The following EXOC4 variants were observed in gnomAD, a reference collection of about 807,000 sequenced individuals.
EXOC4 encodes SEC8-like 1.
Under a neutral mutation model 107.2 loss-of-function variants are expected in EXOC4, and 71 were observed. The ratio of observed to expected loss-of-function variants is 0.66; its 90% CI spans 0.55 to 0.81. The LOEUF (loss-of-function observed/expected upper bound fraction) is 0.81, where lower values mean the gene tolerates loss of function less well. EXOC4 is among the 30% of genes least tolerant of loss of function. The pLI is 0.00. For missense variants in EXOC4, 1,108 were observed against 1,189.6 expected (o/e 0.93, Z 1.01); for synonymous variants, 456 against 441.2 (o/e 1.03, Z -0.42).
At chr7:133,373,340 A>G (rs532186677) in intron 6 of EXOC4, among the ~76,000 whole-genome samples, 14 of 152,360 alleles carry the variant, frequency 9.2e-5, no homozygotes, top group African/African-American at 2.9e-4. Flanking sequence ...AAAAAGAATC[A>G]TCAATCAAAA....
intron 11 of EXOC4, among the ~76,000 whole-genome samples, chr7:133,836,060 C>A (rs1372687493): frequency 6.6e-6 from 1 of 152,160 alleles, no homozygotes; most frequent in East Asian, 1.9e-4. Context: ...CTTTCAGGTT[C>A]TGGACATGTA....
At chr7:133,738,826 G>T (rs891180328) in intron 10 of EXOC4, among the ~76,000 whole-genome samples, 4 of 152,288 alleles carry the variant, frequency 2.6e-5, no homozygotes, top group East Asian at 1.9e-4. Flanking sequence ...ACTCCAAGTT[G>T]TGTTGGTACT....
At chr7:133,462,329 A>G (rs904930153) in intron 7 of EXOC4, among the ~76,000 whole-genome samples, 2 of 152,220 alleles carry the variant, frequency 1.3e-5, no homozygotes, top group Non-Finnish European at 2.9e-5. Flanking sequence ...CTTTAGCTAG[A>G]AAAGAATATA....
intron 9 of EXOC4, among the ~76,000 whole-genome samples, chr7:133,495,012 C>T (rs1291892283): frequency 1.3e-5 from 2 of 152,102 alleles, no homozygotes; most frequent in African/African-American, 2.4e-5. Flanking sequence ...TGGCTCACGC[C>T]TGTAATCCCA....
chr7:133,423,791 G>A (rs573034920), intron 7 of EXOC4, among the ~76,000 whole-genome samples: 10 of 152,272 alleles, frequency 6.6e-5, no homozygotes, highest in South Asian at 4.1e-4. Context: ...AGGCCTTGTG[G>A]CCGGCACGGG....
intron 9 of EXOC4, among the ~76,000 whole-genome samples, chr7:133,496,288 T>C (rs1799475651): frequency 6.6e-6 from 1 of 152,076 alleles, no homozygotes; most frequent in Non-Finnish European, 1.5e-5. Flanking sequence ...CCCAAGTAGC[T>C]AGGAACACAG....
At chr7:133,746,353 A>C (rs1051684853) in intron 10 of EXOC4, among the ~76,000 whole-genome samples, 1 of 152,176 alleles carries the variant, frequency 6.6e-6, no homozygotes, top group African/African-American at 2.4e-5. Flanking sequence ...GTTACCTTAA[A>C]GCCTTATTGT....
intron 9 of EXOC4, among the ~76,000 whole-genome samples, chr7:133,521,082 G>A (rs1202631258): frequency 4.6e-5 from 7 of 152,218 alleles, no homozygotes; most frequent in African/African-American, 9.6e-5. Context: ...ATTAGCTACT[G>A]GAAATGACAG....
the EXOC4 span, among the ~76,000 whole-genome samples, chr7:134,084,475 C>T: frequency 5.7e-4 from 87 of 152,228 alleles, no homozygotes; most frequent in African/African-American, 2.0e-3. Flanking sequence ...TGAGAAACCT[C>T]GCTGAGAAAG....
intron 10 of EXOC4, among the ~76,000 whole-genome samples, chr7:133,750,305 T>A (rs1465809805): frequency 6.6e-6 from 1 of 152,154 alleles, no homozygotes; most frequent in African/African-American, 2.4e-5. Context: ...GATCTCGATG[T>A]GTTTAAGGAT....
intron 9 of EXOC4, among the ~76,000 whole-genome samples, chr7:133,563,532 A>G (rs1463091608): frequency 6.6e-6 from 1 of 152,228 alleles, no homozygotes; most frequent in Non-Finnish European, 1.5e-5. Context: ...AAGATCCCAA[A>G]GACAAGGATG....
intron 11 of EXOC4, among the ~76,000 whole-genome samples, chr7:133,838,444 C>A (rs77557642): frequency 0.038 from 5,752 of 152,252 alleles, 159 homozygotes; most frequent in Middle Eastern, 0.1. Flanking sequence ...TTATAAAAAT[C>A]TTTGCAAGCA....
intron 1 of EXOC4, among the ~76,000 whole-genome samples, chr7:133,267,243 C>T (rs998391583): frequency 2.0e-5 from 3 of 152,142 alleles, no homozygotes; most frequent in African/African-American, 4.8e-5. Context: ...GGGTGCTCTT[C>T]CCCGAGTAGT....
At chr7:133,484,251 A>G (rs1355179685) in intron 9 of EXOC4, 7 of 1,337,806 alleles carry the variant, frequency 5.2e-6, no homozygotes, top group Non-Finnish European at 5.9e-6. Flanking sequence ...CTGTTATGGT[A>G]CAGATGGTTC....
intron 1 of EXOC4, among the ~76,000 whole-genome samples, chr7:133,255,199 A>G (rs1279851837): frequency 7.0e-6 from 1 of 142,270 alleles, no homozygotes; most frequent in Non-Finnish European, 1.5e-5. Flanking sequence ...TTTTTTTGAG[A>G]CAGAGTCTTG....
At chr7:133,424,638 C>T (rs763611382) in intron 7 of EXOC4, among the ~76,000 whole-genome samples, 1 of 152,140 alleles carries the variant, frequency 6.6e-6, no homozygotes, top group Non-Finnish European at 1.5e-5. Context: ...ACCCTACAAG[C>T]GTTACTCATA....
At chr7:133,423,557 A>G (rs901172845) in intron 7 of EXOC4, among the ~76,000 whole-genome samples, 9 of 152,154 alleles carry the variant, frequency 5.9e-5, no homozygotes, top group Middle Eastern at 3.2e-3. Flanking sequence ...AGTAAGAACC[A>G]TGTGATTAGC....
In EXOC4 at chr7:133,353,046, A is replaced by G. The variant is rs2633389; in HGVS notation, c.764-3284A>G. On this transcript the variant is annotated intron_variant, in intron 5 of 17. Transcript: ENST00000253861. The stretch of plus-strand genomic sequence containing the variant: ...AATGCATTAGCCTCTTAAATGATGT[A>G]AAAAACAAAATGTGGATTTATAAAC... Among the ~76,000 whole-genome samples, 1,008 of 152,028 alleles carry G rather than the reference A, an allele frequency of 6.6e-3. 12 individuals carry two copies. Among genetic ancestry groups the G allele is most frequent in the African/African-American group, 0.023 (959 of 41,466 alleles).
At chr7:133,418,938 A>G (rs1797540842) in intron 7 of EXOC4, among the ~76,000 whole-genome samples, 1 of 152,200 alleles carries the variant, frequency 6.6e-6, no homozygotes, top group South Asian at 2.1e-4. Context: ...ATGGGAATAT[A>G]TTGTAAGGAT....
Sources: gnomAD v4.1 joint callset for allele counts (sites outside exome capture counted in the v4.1 genomes callset) on GRCh38, gnomAD v4.1.1 for gene constraint, MANE v1.5 for transcripts, NCBI Gene and HGNC (gene_info 2026-07-23, HGNC 2026-07-21) for gene names.